DOCK2: variants seen among roughly 807,000 people sequenced by gnomAD.
The protein encoded by DOCK2 is dedicator of cytokinesis 2, also known as dedicator of cytokinesis protein 2.
Under a neutral mutation model 248.9 loss-of-function variants are expected in DOCK2, and 87 were observed. The ratio of observed to expected loss-of-function variants is 0.35; its 90% CI spans 0.29 to 0.42. DOCK2 has a LOEUF of 0.42. Among genes scored for constraint, DOCK2 ranks in the 10% least tolerant of loss-of-function variants. DOCK2 has a pLI of 1.00. For missense variants in DOCK2, 1,747 were observed against 2,300.2 expected (o/e 0.76, Z 4.92); for synonymous variants, 805 against 821.6 (o/e 0.98, Z 0.35).
At chr5:169,828,754 G>A (rs765447968) in intron 26 of DOCK2, among the ~76,000 whole-genome samples, 14 of 152,146 alleles carry the variant, frequency 9.2e-5, no homozygotes, top group African/African-American at 1.4e-4. Flanking sequence ...CTAGCTCCAC[G>A]CCTCATCTGA....
At chr5:169,909,307 T>C (rs1774462106) in intron 27 of DOCK2, among the ~76,000 whole-genome samples, 2 of 152,232 alleles carry the variant, frequency 1.3e-5, no homozygotes, top group South Asian at 4.1e-4. Context: ...GTGGCTACCA[T>C]GTTCAACAGT....
intron 27 of DOCK2, chr5:169,882,692 G>C (rs942306655): frequency 6.4e-7 from 1 of 1,552,092 alleles, no homozygotes; most frequent in Admixed American, 2.0e-5. Context: ...CGTGCCAGGT[G>C]AATTTGATTA....
intron 23 of DOCK2, among the ~76,000 whole-genome samples, chr5:169,754,718 C>A (rs115854262): frequency 6.6e-6 from 1 of 152,106 alleles, no homozygotes; most frequent in African/African-American, 2.4e-5. Flanking sequence ...CAGGACAGAG[C>A]TGGGTACACA....
chr5:169,828,598 T>C (rs552663648), intron 26 of DOCK2, among the ~76,000 whole-genome samples: 1 of 152,228 alleles, frequency 6.6e-6, no homozygotes, highest in African/African-American at 2.4e-5. Flanking sequence ...GTATTTTCAC[T>C]GTAGGAAGGA....
chr5:170,061,938 G>C (rs1025731987), intron 44 of DOCK2, among the ~76,000 whole-genome samples: 1 of 152,128 alleles, frequency 6.6e-6, no homozygotes, highest in Non-Finnish European at 1.5e-5. Flanking sequence ...CTAGACCGTG[G>C]GTTTCACCTT....
intron 25 of DOCK2, among the ~76,000 whole-genome samples, chr5:169,787,170 C>T (rs932899973): frequency 1.3e-5 from 2 of 152,154 alleles, no homozygotes; most frequent in African/African-American, 4.8e-5. Context: ...CTCTGCTCAC[C>T]GTTGTCTATA....
chr5:169,989,816 T>C (rs1778162663), intron 29 of DOCK2, among the ~76,000 whole-genome samples: 1 of 152,252 alleles, frequency 6.6e-6, no homozygotes, highest in African/African-American at 2.4e-5. Flanking sequence ...AGAATAGTGT[T>C]TGACACATAG....
At chr5:169,643,964 G>C (rs1355944864) in intron 1 of DOCK2, among the ~76,000 whole-genome samples, 5 of 152,170 alleles carry the variant, frequency 3.3e-5, no homozygotes, top group African/African-American at 9.7e-5. Context: ...GGTTTTTGCT[G>C]CTGGCTTCCC....
chr5:169,770,621 T>C (rs2113768889), intron 25 of DOCK2, among the ~76,000 whole-genome samples: 1 of 152,332 alleles, frequency 6.6e-6, no homozygotes, highest in Middle Eastern at 3.4e-3. Context: ...TTGTTAATCA[T>C]TCCACTGCTT....
At chr5:169,755,551 T>C (rs1764151870) in intron 23 of DOCK2, among the ~76,000 whole-genome samples, 1 of 152,108 alleles carries the variant, frequency 6.6e-6, no homozygotes. Flanking sequence ...GAACCCAGAC[T>C]GGCCAACATA....
chr5:169,977,008 G>A (rs955853071), intron 27 of DOCK2, among the ~76,000 whole-genome samples: 1 of 152,172 alleles, frequency 6.6e-6, no homozygotes, highest in African/African-American at 2.4e-5. Flanking sequence ...AGGATGTCCT[G>A]GGTAACCAAA....
At chr5:169,872,942 G>T (rs1375178820) in intron 27 of DOCK2, among the ~76,000 whole-genome samples, 3 of 152,336 alleles carry the variant, frequency 2.0e-5, no homozygotes, top group South Asian at 4.1e-4. Flanking sequence ...TGGGCAAAAT[G>T]CCTAGTGCAG....
chr5:170,012,020 T>A (rs1755316902), intron 32 of DOCK2, among the ~76,000 whole-genome samples: 1 of 152,314 alleles, frequency 6.6e-6, no homozygotes. Flanking sequence ...ATCATCTAAT[T>A]CAACCCTGCC....
intron 27 of DOCK2, among the ~76,000 whole-genome samples, chr5:169,972,971 C>T (rs1777578162): frequency 6.6e-6 from 1 of 152,156 alleles, no homozygotes; most frequent in Non-Finnish European, 1.5e-5. Flanking sequence ...AGATCTCTTG[C>T]AGCAGAAACA....
chr5:169,806,033 C>T (rs989229893), intron 26 of DOCK2, among the ~76,000 whole-genome samples: 15 of 152,126 alleles, frequency 9.9e-5, no homozygotes, highest in African/African-American at 2.7e-4. Flanking sequence ...CTCTCCTGCT[C>T]ATGAAGATGG....
At chr5:169,759,819 A>G in intron 24 of DOCK2, 44 bp downstream of exon 24, 4 of 1,610,946 alleles carry the variant, frequency 2.5e-6, no homozygotes, top group Non-Finnish European at 1.7e-6. Context: ...CTGGCAAGCT[A>G]GGGATTCAGA....
chr5:170,007,569 C>T (rs1343307436), intron 30 of DOCK2, among the ~76,000 whole-genome samples: 2 of 152,168 alleles, frequency 1.3e-5, no homozygotes, highest in Non-Finnish European at 2.9e-5. Flanking sequence ...TACCGAGGCT[C>T]CGTGATGAAT....
intron 26 of DOCK2, among the ~76,000 whole-genome samples, chr5:169,821,586 T>C (rs1363974823): frequency 6.6e-6 from 1 of 152,160 alleles, no homozygotes; most frequent in Admixed American, 6.5e-5. Flanking sequence ...ATTTTGTCAC[T>C]GCCAGGCCTG....
intron 1 of DOCK2, among the ~76,000 whole-genome samples, chr5:169,648,765 G>A (rs957735845): frequency 6.6e-6 from 1 of 152,228 alleles, no homozygotes; most frequent in African/African-American, 2.4e-5. Context: ...GTGGCTGTGC[G>A]TAAAGCCCTT....
Sources: gnomAD v4.1 joint callset for allele counts (sites outside exome capture counted in the v4.1 genomes callset) on GRCh38, gnomAD v4.1.1 for gene constraint, MANE v1.5 for transcripts, NCBI Gene and HGNC (gene_info 2026-07-23, HGNC 2026-07-21) for gene names.